SAP30: variants seen among roughly 807,000 people sequenced by gnomAD.
The protein encoded by SAP30 is Sin3A associated protein 30.
A neutral mutation model predicts 19.6 loss-of-function variants in SAP30; 13 were observed. That is an observed-to-expected ratio of 0.66 (90% confidence interval 0.43 to 1.05). The LOEUF (loss-of-function observed/expected upper bound fraction) is 1.05, where lower values mean the gene tolerates loss of function less well. Among genes scored for constraint, SAP30 ranks in the 50% least tolerant of loss-of-function variants. The pLI, the probability that SAP30 is intolerant of heterozygous loss-of-function variation, is 0.00. For synonymous variants in SAP30, 108 were observed against 122.7 expected, an observed-to-expected ratio of 0.88 and a Z score of 0.79; for missense variants, 257 against 292.1, an observed-to-expected ratio of 0.88 and a Z score of 0.88.
Position 173,377,386 on chromosome 4 carries a change from T to G in SAP30, c.*59T>G. ...TAACACTGTTTACTGTTTTTTCACA[T>G]GTAGAAATGTTCTTTGTGTATTTTT... On this transcript the variant is annotated 3_prime_UTR_variant, in exon 4 of 4. Transcript: ENST00000296504. 2.0e-6 allele frequency: 3 copies of G among 1,502,146 alleles called. No individual in the cohort carries two copies. The highest frequency in any genetic ancestry group is 2.6e-5 in the South Asian group (2 of 77,678). The allele number at this position is 1,502,146 out of a possible 1,614,324, so 93.1% of individuals were successfully genotyped here.
Position 173,371,387 on chromosome 4 carries a change from C to A in SAP30, c.205C>A (p.Leu69Met), listed in dbSNP as rs779469908. The change falls in exon 1 of 4, where the codon CTG becomes ATG. Residue 69 changes from leucine to methionine, a missense_variant. Coordinates refer to ENST00000296504, the MANE Select transcript of SAP30 (RefSeq NM_003864.4). The surrounding 1 kb of genome is among the most constrained non-coding windows in gnomAD (Gnocchi z 6.4). ...GCCGGGCCCCGGGCAACTGTGCTGCCTGCGGGAGGATGGTGAGCGGTGCGG... is the reference window on the plus strand; with the variant it reads ...GCCGGGCCCCGGGCAACTGTGCTGCATGCGGGAGGATGGTGAGCGGTGCGG... ...AGPGPGQLCC[L>M]REDGERCGRA... 6.3e-7 allele frequency: 1 copy of A among 1,581,300 alleles called. No homozygotes were observed. Among genetic ancestry groups the A allele is most frequent in the Admixed American group, 1.7e-5 (1 of 59,198 alleles).
intron 3 of SAP30, among the ~76,000 whole-genome samples, chr4:173,375,026 T>TTATA (rs3052296): frequency 0.86 from 125,832 of 147,044 alleles, 56,373 homozygotes; most frequent in Non-Finnish European, 0.98. Context: ...GTTTATAGAT[T>TTATA]TATATATATA....
intron 3 of SAP30, among the ~76,000 whole-genome samples, chr4:173,376,613 T>C (rs1739045734): frequency 6.6e-6 from 1 of 151,990 alleles, no homozygotes; most frequent in African/African-American, 2.4e-5. Flanking sequence ...TTATTATTTT[T>C]ATTTTATTTA....
At chr4:173,372,102 G>A (rs1738951465) in intron 1 of SAP30, among the ~76,000 whole-genome samples, 1 of 152,246 alleles carries the variant, frequency 6.6e-6, no homozygotes, top group Non-Finnish European at 1.5e-5. Context: ...CTCCGATGGT[G>A]GGGAGCACGT....
intron 1 of SAP30, among the ~76,000 whole-genome samples, chr4:173,372,310 G>A (rs912358106): frequency 6.6e-6 from 1 of 152,196 alleles, no homozygotes; most frequent in South Asian, 2.1e-4. Context: ...AGAAGTAAAT[G>A]TAAAAGCCTG....
chr4:173,371,067 C>T lies in SAP30; in HGVS notation c.-116C>T. 4 of 1,213,350 alleles carry T rather than the reference C, an allele frequency of 3.3e-6. No individual in the cohort carries two copies. The highest frequency in any genetic ancestry group is 3.2e-6 in the Non-Finnish European group (3 of 933,372). The allele number at this position is 1,213,350 out of a possible 1,614,324, so 75.2% of individuals were successfully genotyped here. A position where few individuals can be genotyped will look rare whatever the true frequency, so the allele number is the denominator to read the frequency against. The stretch of plus-strand genomic sequence containing the variant: ...CAGGCCCGGGACAGTTGGTGTTTGG[C>T]CGTGCCGCTGTCTAACTTGGTGTGC... On this transcript the variant is annotated 5_prime_UTR_variant, in exon 1 of 4. Coordinates refer to ENST00000296504, the MANE Select transcript of SAP30 (RefSeq NM_003864.4). This position sits in a 1 kb window ranked among gnomAD's most constrained non-coding sequence, Gnocchi z 6.4.
intron 1 of SAP30, among the ~76,000 whole-genome samples, chr4:173,372,637 T>C (rs1360965450): frequency 6.6e-6 from 1 of 152,224 alleles, no homozygotes; most frequent in Non-Finnish European, 1.5e-5. Context: ...TTAGAAAGAC[T>C]GGAAAGCATA....
chr4:173,371,355 C>T lies in SAP30; in HGVS notation c.173C>T (p.Ala58Val), dbSNP rs759564340. ...GAVSAAGPPG[A>V]AGPGPGQLCC... ...GTCTCAGCGGCTGGGCCCCCGGGGG[C>T]GGCCGGGCCGGGCCCCGGGCAACTG... is the stretch of plus-strand genomic sequence containing the variant. Residue 58 changes from alanine to valine, a missense_variant, in exon 1 of 4, where the codon GCG (alanine) becomes GTG (valine). By Grantham distance (64) the Ala-to-Val change is moderately conservative. Coordinates refer to ENST00000296504, the MANE Select transcript of SAP30 (RefSeq NM_003864.4). This position sits in a 1 kb window ranked among gnomAD's most constrained non-coding sequence, Gnocchi z 6.4. The T allele has an allele frequency of 2.7e-6, 4 of 1,486,724 alleles. No individual in the cohort carries two copies. The South Asian group carries it at 3.8e-5, about 14-fold the overall frequency. The allele number at this position is 1,486,724 out of a possible 1,614,324, so 92.1% of individuals were successfully genotyped here. A position where few individuals can be genotyped will look rare whatever the true frequency, so the allele number is the denominator to read the frequency against.
chr4:173,371,548 A>T lies in SAP30; in HGVS notation c.315+51A>T. ...CCCTCCCGCCCCTCGGTGGGGCCCC[A>T]GGAGCCGGGCAAAGGCACGGGTTGT... is the stretch of plus-strand genomic sequence containing the variant. On this transcript the variant is annotated intron_variant, in intron 1 of 3. Coordinates refer to ENST00000296504, the MANE Select transcript of SAP30 (RefSeq NM_003864.4). This position sits in a 1 kb window ranked among gnomAD's most constrained non-coding sequence, Gnocchi z 6.4. The T allele has an allele frequency of 6.5e-7, 1 of 1,549,876 alleles. No individual in the cohort carries two copies. Among genetic ancestry groups the T allele is most frequent in the African/African-American group, 1.4e-5 (1 of 72,234 alleles).
chr4:173,376,450 C>T (rs1165024709), intron 3 of SAP30, among the ~76,000 whole-genome samples: 1 of 152,132 alleles, frequency 6.6e-6, no homozygotes, highest in Non-Finnish European at 1.5e-5. Context: ...TCTCTACTAG[C>T]AAAAGTTTTC....
Position 173,373,984 on chromosome 4 carries a change from A to G in SAP30, c.487A>G (p.Arg163Gly). 1 of 1,605,062 alleles carries G rather than the reference A, an allele frequency of 6.2e-7. No individual in the cohort carries two copies. Among genetic ancestry groups the G allele is most frequent in the Admixed American group, 1.7e-5 (1 of 58,518 alleles). ...LQVNTLRRYK[R>G]HFKLPTRPGL... ...AGTAAATACACTTAGGAGATACAAA[A>G]GACACTTCAAGCTACCAACCAGACC... The change falls in exon 3 of 4, where the codon AGA becomes GGA. Residue 163 changes from arginine (R) to glycine (G), a missense_variant. Transcript: ENST00000296504.
chr4:173,371,320 C>G lies in SAP30; in HGVS notation c.138C>G (p.Gly46=), dbSNP rs746685104. 7.6e-7 allele frequency: 1 copy of G among 1,311,888 alleles called. No homozygotes were observed. The highest frequency in any genetic ancestry group is 9.6e-7 in the Non-Finnish European group (1 of 1,038,148). 81.3% of individuals were successfully genotyped at this position (1,311,888 alleles called of 1,614,324 possible). A position where few individuals can be genotyped will look rare whatever the true frequency, so the allele number is the denominator to read the frequency against. ...CGGGCACCGGGGCTGAGGTGCCGGGCGCGGGGGCGGTCTCAGCGGCTGGGC... is the reference window on the plus strand; with the variant it reads ...CGGGCACCGGGGCTGAGGTGCCGGGGGCGGGGGCGGTCTCAGCGGCTGGGC... ...TGAGTGAEVP[G]AGAVSAAGPP... Residue 46 remains glycine, a synonymous_variant, in exon 1 of 4, where the codon GGC becomes GGG. Transcript: ENST00000296504. This position sits in a 1 kb window ranked among gnomAD's most constrained non-coding sequence, Gnocchi z 6.4.
chr4:173,373,234 G>T (rs1312964759), intron 1 of SAP30, among the ~76,000 whole-genome samples, 156 bp from the exon 2 acceptor site: 1 of 151,852 alleles, frequency 6.6e-6, no homozygotes, highest in African/African-American at 2.4e-5. Context: ...ATGTTTTAGC[G>T]TATAGGATTT....
Position 173,371,914 on chromosome 4 carries a change from G to A in SAP30, c.315+417G>A, listed in dbSNP as rs1738944884. Among the ~76,000 whole-genome samples the A allele has an allele frequency of 1.3e-5, 2 of 152,370 alleles. No homozygotes were observed. Among genetic ancestry groups the A allele is most frequent in the Non-Finnish European group, 2.9e-5 (2 of 68,042 alleles). ...CCAAGCTGGTGTTTGGCCCCAGGCGGTACTAAATCCCGTCGTCTAGGAGAA... is the reference window on the plus strand; with the variant it reads ...CCAAGCTGGTGTTTGGCCCCAGGCGATACTAAATCCCGTCGTCTAGGAGAA... On this transcript the variant is annotated intron_variant, in intron 1 of 3. Coordinates refer to ENST00000296504, the MANE Select transcript of SAP30 (RefSeq NM_003864.4). This position sits in a 1 kb window ranked among gnomAD's most constrained non-coding sequence, Gnocchi z 6.4.
chr4:173,372,209 T>C (rs893429248), intron 1 of SAP30, among the ~76,000 whole-genome samples: 1 of 152,248 alleles, frequency 6.6e-6, no homozygotes, highest in African/African-American at 2.4e-5. Context: ...CAGCCGTTGC[T>C]ACTTTTGGGA....
chr4:173,372,211 C>G (rs1008219565), intron 1 of SAP30, among the ~76,000 whole-genome samples: 1 of 152,222 alleles, frequency 6.6e-6, no homozygotes, highest in Non-Finnish European at 1.5e-5. Context: ...GCCGTTGCTA[C>G]TTTTGGGAGA....
In SAP30 at chr4:173,371,791, G is replaced by C. The variant is rs573029638; in HGVS notation, c.315+294G>C. Among the ~76,000 whole-genome samples the C allele has an allele frequency of 3.3e-5, 5 of 152,178 alleles. No homozygotes were observed. Among genetic ancestry groups the C allele is most frequent in the East Asian group, 1.9e-4 (1 of 5,150 alleles). On this transcript the variant is annotated intron_variant, in intron 1 of 3. Coordinates refer to ENST00000296504, the MANE Select transcript of SAP30 (RefSeq NM_003864.4). This position sits in a 1 kb window ranked among gnomAD's most constrained non-coding sequence, Gnocchi z 6.4. ...TCCCTCTTCCTTCTCCTCTGCGACC[G>C]GGACACGAAACAAAGGGGACCGGCG...
chr4:173,376,518 A>G (rs992264016), intron 3 of SAP30, among the ~76,000 whole-genome samples: 1 of 152,232 alleles, frequency 6.6e-6, no homozygotes, highest in African/African-American at 2.4e-5. Context: ...TTAATGATGC[A>G]TGTGATCTCT....
chr4:173,371,300 A>C lies in SAP30; in HGVS notation c.118A>C (p.Thr40Pro). 8.0e-7 allele frequency: 1 copy of C among 1,242,562 alleles called. No individual in the cohort carries two copies. The allele number at this position is 1,242,562 out of a possible 1,614,324, so 77.0% of individuals were successfully genotyped here. Residue 40 changes from threonine to proline, a missense_variant, in exon 1 of 4, where the codon ACC becomes CCC. Coordinates refer to ENST00000296504, the MANE Select transcript of SAP30 (RefSeq NM_003864.4). The surrounding 1 kb of genome is among the most constrained non-coding windows in gnomAD (Gnocchi z 6.4). The stretch of plus-strand genomic sequence containing the variant: ...GGCGGGGAACGGGACCGGCGCGGGC[A>C]CCGGGGCTGAGGTGCCGGGCGCGGG... ...ASAGNGTGAG[T>P]GAEVPGAGAV... is the part of the protein sequence containing the mutation.
Sources: gnomAD v4.1 joint callset for allele counts (sites outside exome capture counted in the v4.1 genomes callset) on GRCh38, gnomAD v4.1.1 for gene constraint, Gnocchi (gnomAD v3.1) non-coding constraint, MANE v1.5 for transcripts, NCBI Gene and HGNC (gene_info 2026-07-23, HGNC 2026-07-21) for gene names.